MTMR8: variants seen among roughly 807,000 people sequenced by gnomAD.
MTMR8 encodes the protein myotubularin related protein 8, also known as phosphatidylinositol-3,5-bisphosphate 3-phosphatase MTMR8.
A neutral mutation model predicts 39.3 loss-of-function variants in MTMR8; 65 were observed. The observed-to-expected ratio is 1.65, with a 90% confidence interval of 1.35 to 2.03. The LOEUF is 2.03. MTMR8 is among the 30% of genes most tolerant of loss of function. The probability of loss-of-function intolerance (pLI) is 0.00; values close to 1 mark genes in which losing one functional copy is unlikely to be tolerated. For missense variants in MTMR8, 777 were observed against 538.9 expected (o/e 1.44, Z -4.37); for synonymous variants, 245 against 185.2 (o/e 1.32, Z -2.62).
chrX:64,302,287 G>A (rs200886085), intron 12 of MTMR8, among the ~76,000 whole-genome samples: 14 of 112,478 alleles, frequency 1.2e-4, no homozygotes, highest in East Asian at 5.6e-4. Flanking sequence ...TTTTTAAGCC[G>A]GTCTGAAAAG....
chrX:64,328,815 T>G lies in MTMR8; in HGVS notation c.1438A>C (p.Met480Leu). Residue 480 changes from methionine to leucine, a missense_variant, in exon 12 of 14, where the codon ATG (methionine) becomes CTG (leucine). Transcript: ENST00000374852. The part of the protein sequence containing the change: ...FRNPLYKGFT[M>L]YGVLNPSTVP... The stretch of plus-strand genomic sequence containing the variant: ...GTACTAGGATTGAGTACCCCATACA[T>G]AGTGAAGCCTTTATAGAGAGGGTTC... The G allele has an allele frequency of 8.3e-7, 1 of 1,201,296 alleles. No individual in the cohort carries two copies. Among genetic ancestry groups the G allele is most frequent in the Non-Finnish European group, 1.1e-6 (1 of 891,058 alleles).
Position 64,268,561 on chromosome X carries a change from C to T in MTMR8, c.2091G>A (p.Glu697=), listed in dbSNP as rs754842437. ...DTGISKASTK[E]ADYSKHQ ...CTCACTGATGCTTGGAGTAGTCTGCCTCCTTGGTGCTGGCCTTGGAGATGC... is the reference window on the plus strand; with the variant it reads ...CTCACTGATGCTTGGAGTAGTCTGCTTCCTTGGTGCTGGCCTTGGAGATGC... The change falls in exon 14 of 14, where the codon GAG becomes GAA. Residue 697 remains glutamate (E), a synonymous_variant. Coordinates refer to ENST00000374852, the MANE Select transcript of MTMR8 (RefSeq NM_017677.4). 5.0e-6 allele frequency: 6 copies of T among 1,208,089 alleles called. No individual in the cohort carries two copies. The South Asian group carries it at 1.1e-4, about 21-fold the overall frequency.
At chrX:64,337,205 AT>A (rs1464868139) in intron 9 of MTMR8, 62 bp downstream of exon 9, 2 of 1,124,580 alleles carry the variant, frequency 1.8e-6, no homozygotes, top group Non-Finnish European at 2.4e-6. Context: ...TTTGACAGTT[AT>A]TTTTTATTTT....
chrX:64,274,770 C>T (rs963699082), intron 12 of MTMR8, among the ~76,000 whole-genome samples: 2 of 111,575 alleles, frequency 1.8e-5, no homozygotes, highest in Admixed American at 1.9e-4. Context: ...GTAGAAGGAA[C>T]CGGAGGACAC....
In MTMR8 at chrX:64,289,515, T is replaced by C. The variant is rs778689902; in HGVS notation, c.1482-18442A>G. Among the ~76,000 whole-genome samples, 17 of 108,466 alleles carry C rather than the reference T, an allele frequency of 1.6e-4. No individual in the cohort carries two copies. The East Asian group carries it at 2.0e-3, about 13-fold the overall frequency. The allele number at this position is 108,466 out of a possible 115,157, so 94.2% of individuals were successfully genotyped here. On this transcript the variant is annotated intron_variant, in intron 12 of 13. Coordinates refer to ENST00000374852, the MANE Select transcript of MTMR8 (RefSeq NM_017677.4). ...AGCTGGGCGTGGTGGCACATGTATG[T>C]AGTCCTAGCTACTTGGGAGGCTGAA...
intron 12 of MTMR8, among the ~76,000 whole-genome samples, chrX:64,291,410 A>T (rs1921393441): frequency 9.1e-6 from 1 of 110,451 alleles, no homozygotes; most frequent in Non-Finnish European, 1.9e-5. Context: ...CTAAACACGT[A>T]AGCCCCTCTG....
At chrX:64,366,822 G>A (rs775937857) in intron 1 of MTMR8, among the ~76,000 whole-genome samples, 47 of 111,505 alleles carry the variant, frequency 4.2e-4, no homozygotes, top group Non-Finnish European at 7.4e-4. Context: ...CAGGAGCTGG[G>A]TTTTTGAAAA....
Position 64,268,787 on chromosome X carries a change from A to G in MTMR8, c.1865T>C (p.Ile622Thr), listed in dbSNP as rs781466596. The part of the protein sequence containing the change: ...CCEIVGSLRA[I>T]NISGDVGISE... ...GATGCCCACATCCCCAGAGATATTT[A>G]TGGCCCTAAGGCTGCCCACAATCTC... Residue 622 changes from isoleucine (I) to threonine (T), a missense_variant, in exon 14 of 14, where the codon ATA (isoleucine) becomes ACA (threonine). By Grantham distance (89) the Ile-to-Thr change is moderately conservative. Coordinates refer to ENST00000374852, the MANE Select transcript of MTMR8 (RefSeq NM_017677.4). 50 of 1,209,652 alleles carry G rather than the reference A, an allele frequency of 4.1e-5. No individual in the cohort carries two copies. The highest frequency in any genetic ancestry group is 5.0e-5 in the Non-Finnish European group (45 of 895,244).
intron 12 of MTMR8, among the ~76,000 whole-genome samples, chrX:64,291,001 G>C (rs375484273): frequency 1.8e-5 from 2 of 111,491 alleles, no homozygotes; most frequent in East Asian, 5.7e-4. Context: ...ACAATTGTTG[G>C]GGCATATGGC....
intron 8 of MTMR8, among the ~76,000 whole-genome samples, chrX:64,340,143 G>A (rs1372927233): frequency 1.8e-5 from 2 of 111,453 alleles, no homozygotes; most frequent in African/African-American, 3.3e-5. Context: ...AGACAAGGTG[G>A]AATGGATGAA....
At chrX:64,303,041 G>A (rs991985030) in intron 12 of MTMR8, among the ~76,000 whole-genome samples, 1 of 112,563 alleles carries the variant, frequency 8.9e-6, no homozygotes, top group Non-Finnish European at 1.9e-5. Context: ...AAAGTTTGCT[G>A]TGCGTTAATG....
intron 12 of MTMR8, among the ~76,000 whole-genome samples, chrX:64,300,855 T>G (rs761659602): frequency 9.1e-6 from 1 of 109,938 alleles, no homozygotes; most frequent in South Asian, 4.1e-4. Flanking sequence ...TGGCTGGATA[T>G]GAAATTCTGG....
Position 64,395,248 on chromosome X carries a change from G to A in MTMR8, c.24+92C>T, listed in dbSNP as rs778596733. On this transcript the variant is annotated intron_variant, in intron 1 of 13. Coordinates refer to ENST00000374852, the MANE Select transcript of MTMR8 (RefSeq NM_017677.4). ...CCCACAGGAAAGACGCGTCAAAGAAGGCTGAGAAGGCTGAGGAGGTGTGTC... is the reference window on the plus strand; with the variant it reads ...CCCACAGGAAAGACGCGTCAAAGAAAGCTGAGAAGGCTGAGGAGGTGTGTC... The A allele has an allele frequency of 7.2e-4, 694 of 962,759 alleles. 4 individuals carry two copies. In the African/African-American group the frequency reaches 0.012, roughly 16 times the overall value. The allele number at this position is 962,759 out of a possible 1,213,427, so 79.3% of individuals were successfully genotyped here. A position where few individuals can be genotyped will look rare whatever the true frequency, so the allele number is the denominator to read the frequency against.
intron 12 of MTMR8, among the ~76,000 whole-genome samples, chrX:64,307,699 A>G (rs1922165590): frequency 9.0e-6 from 1 of 111,731 alleles, no homozygotes; most frequent in Non-Finnish European, 1.9e-5. Context: ...TTACATACAC[A>G]TTTTAGAATA....
intron 12 of MTMR8, among the ~76,000 whole-genome samples, chrX:64,295,584 G>C (rs1921549317): frequency 9.0e-6 from 1 of 111,452 alleles, no homozygotes; most frequent in African/African-American, 3.3e-5. Context: ...TTGATATAAA[G>C]AATATATAGA....
At chrX:64,275,648 C>CAAA (rs60193863) in intron 12 of MTMR8, among the ~76,000 whole-genome samples, 2 of 40,669 alleles carry the variant, frequency 4.9e-5, no homozygotes, top group Admixed American at 3.1e-4. Context: ...GAGTCTCTCT[C>CAAA]AAAAAAAAAA....
chrX:64,298,440 C>A lies in MTMR8; in HGVS notation c.1482-27367G>T, dbSNP rs865800726. Among the ~76,000 whole-genome samples the A allele has an allele frequency of 2.4e-3, 203 of 85,297 alleles. 1 individual carries two copies. Among genetic ancestry groups the A allele is most frequent in the Non-Finnish European group, 3.5e-3 (166 of 46,852 alleles). 74.1% of individuals were successfully genotyped at this position (85,297 alleles called of 115,157 possible). A position where few individuals can be genotyped will look rare whatever the true frequency, so the allele number is the denominator to read the frequency against. On this transcript the variant is annotated intron_variant, in intron 12 of 13. Coordinates refer to ENST00000374852, the MANE Select transcript of MTMR8 (RefSeq NM_017677.4). ...TGTACATTGATTTTGTATCCTGAGA[C>A]TTTGCTGAAGTTGCTTATCAGCTTA... is the stretch of plus-strand genomic sequence containing the variant.
At chrX:64,359,778 G>C (rs1365757450) in intron 1 of MTMR8, among the ~76,000 whole-genome samples, 1 of 110,413 alleles carries the variant, frequency 9.1e-6, no homozygotes, top group Admixed American at 9.7e-5. Flanking sequence ...ACAAGATGAG[G>C]TACGTATAAC....
At chrX:64,293,825 T>C (rs1921478700) in intron 12 of MTMR8, among the ~76,000 whole-genome samples, 1 of 111,889 alleles carries the variant, frequency 8.9e-6, no homozygotes, top group Admixed American at 9.5e-5. Flanking sequence ...ACTATTAAAA[T>C]TGATCCAGTT....
Sources: allele counts gnomAD v4.1 joint callset (sites outside exome capture counted in the v4.1 genomes callset), GRCh38; gene constraint gnomAD v4.1.1; transcripts MANE v1.5; gene names NCBI Gene and HGNC (gene_info 2026-07-23, HGNC 2026-07-21).